Variants in ANKS1B observed in about 807,000 individuals in gnomAD.
ANKS1B encodes ankyrin repeat and sterile alpha motif domain containing 1B.
Under a neutral mutation model 148.3 loss-of-function variants are expected in ANKS1B, and 36 were observed. That is an observed-to-expected ratio of 0.24 (90% CI 0.19 to 0.32). The LOEUF is 0.32. ANKS1B is among the 10% of genes least tolerant of loss of function. The pLI is 1.00. For synonymous variants in ANKS1B, 542 were observed against 560.8 expected (o/e 0.97, Z 0.47); for missense variants, 1,157 against 1,542.6 (o/e 0.75, Z 4.19).
At chr12:98,969,669 T>C (rs989601610) in intron 17 of ANKS1B, among the ~76,000 whole-genome samples, 29 of 152,192 alleles carry the variant, frequency 1.9e-4, no homozygotes, top group African/African-American at 7.0e-4. Flanking sequence ...TAAGAGAAAG[T>C]GTCTAGTAAA....
chr12:99,903,658 A>G (rs73376137), intron 1 of ANKS1B, among the ~76,000 whole-genome samples: 6,322 of 152,224 alleles, frequency 0.042, 417 homozygotes, highest in African/African-American at 0.14. Context: ...AATGTATCCA[A>G]AATAGTATCA....
intron 14 of ANKS1B, among the ~76,000 whole-genome samples, chr12:99,155,332 T>C (rs1390611498): frequency 6.6e-6 from 1 of 152,188 alleles, no homozygotes; most frequent in Non-Finnish European, 1.5e-5. Flanking sequence ...CTCCGAGATA[T>C]ATATTTTTTT....
At position 99,984,228 on chromosome 12, in the gene ANKS1B, C is replaced by G; in HGVS notation, c.10G>C (p.Asp4His). 1 of 1,613,396 alleles carries G rather than the reference C, an allele frequency of 6.2e-7. No homozygotes were observed. Residue 4 changes from aspartate (D) to histidine (H), a missense_variant, in exon 1 of 27, where the codon GAC becomes CAC. Asp to His is a moderately conservative substitution (Grantham distance 81). This residue lies in a region of ANKS1B where 164 missense variants were observed against 232.6 expected (regional missense o/e 0.71). Transcript: ENST00000683438. MGK[D>H]QELLEAARTG... ...CGAGCAGCTTCCAGCAGCTCCTGGT[C>G]CTTCCCCATAGTCTCTCACCGACTC...
At chr12:99,607,038 A>G (rs1456517379) in intron 9 of ANKS1B, among the ~76,000 whole-genome samples, 1 of 152,108 alleles carries the variant, frequency 6.6e-6, no homozygotes, top group Non-Finnish European at 1.5e-5. Context: ...GGAAACAGAC[A>G]GCTGTGAAGA....
In ANKS1B at chr12:98,871,305, T is replaced by C. The variant is rs369103899; in HGVS notation, c.2779-39169A>G. Among the ~76,000 whole-genome samples, 8 of 152,330 alleles carry C rather than the reference T, an allele frequency of 5.3e-5. No individual in the cohort carries two copies. The East Asian group carries it at 7.7e-4, about 15-fold the overall frequency. On this transcript the variant is annotated intron_variant, in intron 17 of 26. Transcript: ENST00000683438. ...TCATAAAGCATGATTTATGTTGATA[T>C]TTAAAAGTAAATTCTGATATTTAGT...
At chr12:98,896,009 C>T (rs896931769) in intron 17 of ANKS1B, among the ~76,000 whole-genome samples, 4 of 152,154 alleles carry the variant, frequency 2.6e-5, no homozygotes, top group Non-Finnish European at 5.9e-5. Flanking sequence ...AAGTTCCATC[C>T]GTAAGTGTGA....
chr12:98,818,192 T>TCTTC (rs1213358922), intron 19 of ANKS1B, among the ~76,000 whole-genome samples: 1 of 120,282 alleles, frequency 8.3e-6, no homozygotes, highest in Non-Finnish European at 1.6e-5. Context: ...TCTCTTCCTC[T>TCTTC]CTTCCTCCCT....
At chr12:99,615,999 G>C (rs2097954984) in intron 9 of ANKS1B, among the ~76,000 whole-genome samples, 1 of 152,038 alleles carries the variant, frequency 6.6e-6, no homozygotes, top group African/African-American at 2.4e-5. Flanking sequence ...ACCAATAATA[G>C]ACAAGCAGAG....
chr12:99,526,323 T>TA (rs2096925928), intron 9 of ANKS1B, among the ~76,000 whole-genome samples: 1 of 152,206 alleles, frequency 6.6e-6, no homozygotes, highest in Non-Finnish European at 1.5e-5. Flanking sequence ...TTTGCCATGT[T>TA]AAAATTTTTC....
At chr12:99,442,768 C>T (rs549969314) in intron 11 of ANKS1B, among the ~76,000 whole-genome samples, 1 of 151,924 alleles carries the variant, frequency 6.6e-6, no homozygotes, top group Non-Finnish European at 1.5e-5. Flanking sequence ...ACAAATCTTG[C>T]TTATTTAGAC....
intron 9 of ANKS1B, among the ~76,000 whole-genome samples, chr12:99,579,738 T>C (rs1355519360): frequency 6.6e-6 from 1 of 152,184 alleles, no homozygotes; most frequent in Non-Finnish European, 1.5e-5. Context: ...GGAATGCTCA[T>C]ACTTTATTGG....
At chr12:99,857,213 A>T (rs1259757356) in intron 1 of ANKS1B, among the ~76,000 whole-genome samples, 1 of 152,192 alleles carries the variant, frequency 6.6e-6, no homozygotes, top group Non-Finnish European at 1.5e-5. Flanking sequence ...ATGTACACAA[A>T]TCAGTAGCCC....
At chr12:99,131,801 G>A (rs149006714) in intron 15 of ANKS1B, among the ~76,000 whole-genome samples, 2 of 152,222 alleles carry the variant, frequency 1.3e-5, no homozygotes, top group African/African-American at 2.4e-5. Context: ...CCTGGGAACC[G>A]GGCTCCGTCA....
intron 8 of ANKS1B, among the ~76,000 whole-genome samples, chr12:99,754,673 T>C (rs996507260): frequency 6.6e-6 from 1 of 152,108 alleles, no homozygotes; most frequent in Admixed American, 6.6e-5. Flanking sequence ...GCAATTAAAT[T>C]GGAAATCAAG....
At chr12:99,346,207 T>C (rs375559216) in intron 12 of ANKS1B, among the ~76,000 whole-genome samples, 1 of 152,038 alleles carries the variant, frequency 6.6e-6, no homozygotes. Flanking sequence ...TAAATTCATT[T>C]TGAAGTCCTT....
intron 17 of ANKS1B, among the ~76,000 whole-genome samples, chr12:99,022,619 A>G (rs2099946452): frequency 1.3e-5 from 2 of 152,102 alleles, no homozygotes; most frequent in Non-Finnish European, 2.9e-5. Context: ...AAAAATTTTG[A>G]AAGTGGCCAT....
At chr12:99,837,065 C>A (rs1057338521) in intron 1 of ANKS1B, among the ~76,000 whole-genome samples, 1 of 151,908 alleles carries the variant, frequency 6.6e-6, no homozygotes, top group African/African-American at 2.4e-5. Context: ...CCAGGTGGGC[C>A]CCATGTAATT....
chr12:99,639,530 A>T (rs7968358), intron 9 of ANKS1B, among the ~76,000 whole-genome samples: 60,300 of 151,978 alleles, frequency 0.4, 12,536 homozygotes, highest in Admixed American at 0.46. Context: ...CCAAAATCTC[A>T]TCGTGGATTT....
intron 1 of ANKS1B, among the ~76,000 whole-genome samples, chr12:99,912,509 G>A (rs1048259897): frequency 4.6e-5 from 7 of 151,862 alleles, no homozygotes; most frequent in Non-Finnish European, 8.8e-5. Context: ...ACACCACCAC[G>A]CCTGGCTAAT....
Sources: gnomAD v4.1 joint callset for allele counts (sites outside exome capture counted in the v4.1 genomes callset) on GRCh38, gnomAD v4.1.1 for gene constraint, gnomAD v4.1.1 regional missense constraint, MANE v1.5 for transcripts, NCBI Gene and HGNC (gene_info 2026-07-23, HGNC 2026-07-21) for gene names.